Variants in FRMPD4 observed in about 807,000 individuals in gnomAD.
FRMPD4 encodes the protein FERM and PDZ domain-containing protein 4.
A neutral mutation model predicts 94.1 loss-of-function variants in FRMPD4; 22 were observed. The observed-to-expected ratio is 0.23, with a 90% confidence interval of 0.17 to 0.33. The LOEUF (loss-of-function observed/expected upper bound fraction) is 0.33. Among genes scored for constraint, FRMPD4 ranks in the 10% least tolerant of loss-of-function variants. The probability of loss-of-function intolerance (pLI) is 1.00; values close to 1 mark genes in which losing one functional copy is unlikely to be tolerated. For missense variants in FRMPD4, 1,111 were observed against 1,339.9 expected, an observed-to-expected ratio of 0.83 and a Z score of 2.67; for synonymous variants, 631 against 548.6, an observed-to-expected ratio of 1.15 and a Z score of -2.10.
chrX:12,604,786 G>A (rs2059115076), intron 2 of FRMPD4, among the ~76,000 whole-genome samples: 1 of 111,610 alleles, frequency 9.0e-6, no homozygotes, highest in Middle Eastern at 4.7e-3. Flanking sequence ...GTACCCATTA[G>A]TTGTTTTTCC....
chrX:12,086,664 G>T (rs2055113750), intron 3 of FRMPD4, among the ~76,000 whole-genome samples: 1 of 111,545 alleles, frequency 9.0e-6, no homozygotes, highest in African/African-American at 3.3e-5. Context: ...GCAAAGCTAG[G>T]CTGGTCCTGA....
chrX:11,882,009 G>A (rs977088357), intron 3 of FRMPD4, among the ~76,000 whole-genome samples: 1 of 111,718 alleles, frequency 9.0e-6, no homozygotes, highest in African/African-American at 3.3e-5. Context: ...ATGAAAGCCA[G>A]AGACCCAGGC....
intron 2 of FRMPD4, among the ~76,000 whole-genome samples, chrX:12,600,619 C>T (rs989841395): frequency 1.2e-4 from 13 of 112,178 alleles, no homozygotes; most frequent in African/African-American, 3.9e-4. Flanking sequence ...TCATTGTCAC[C>T]AGCAAACCAA....
At chrX:12,575,573 C>T (rs1470890365) in intron 2 of FRMPD4, among the ~76,000 whole-genome samples, 1 of 111,307 alleles carries the variant, frequency 9.0e-6, no homozygotes, top group Admixed American at 9.5e-5. Flanking sequence ...TGTCTATACC[C>T]TCATGCCCCA....
intron 1 of FRMPD4, among the ~76,000 whole-genome samples, chrX:11,862,762 T>C (rs911089396): frequency 9.0e-6 from 1 of 111,222 alleles, no homozygotes; most frequent in Non-Finnish European, 1.9e-5. Context: ...ATCCAAGTCA[T>C]ACTGAGTCTG....
In FRMPD4 at chrX:12,331,970, AT is replaced by A. The variant is rs1335742133; in HGVS notation, c.42-166709del. Among the ~76,000 whole-genome samples, 168 of 50,874 alleles carry A rather than the reference AT, an allele frequency of 3.3e-3. 4 individuals are homozygous for A. Among genetic ancestry groups the A allele is most frequent in the Non-Finnish European group, 4.6e-3 (146 of 31,488 alleles). The allele number at this position is 50,874 out of a possible 115,157, so 44.2% of individuals were successfully genotyped here. ...TATATTTATATACTATATATAAATTATATATATTTATATACTATATATAAAT... is the reference window on the plus strand; with the variant it reads ...TATATTTATATACTATATATAAATTAATATATTTATATACTATATATAAAT... On this transcript the variant is annotated intron_variant, in intron 1 of 16. Coordinates refer to ENST00000675598, the MANE Select transcript of FRMPD4 (RefSeq NM_001368397.1).
At chrX:12,610,678 G>A (rs938917025) in intron 3 of FRMPD4, among the ~76,000 whole-genome samples, 2 of 109,938 alleles carry the variant, frequency 1.8e-5, no homozygotes, top group African/African-American at 3.4e-5. Context: ...AACCCAGGAG[G>A]GAGAGGTTGC....
chrX:12,103,265 A>G (rs1017802827), intron 3 of FRMPD4, among the ~76,000 whole-genome samples: 8 of 112,184 alleles, frequency 7.1e-5, no homozygotes. Context: ...GGTGTACCAT[A>G]AACACTCCAT....
chrX:12,234,671 T>G (rs1329502270), intron 1 of FRMPD4, among the ~76,000 whole-genome samples: 1 of 112,355 alleles, frequency 8.9e-6, no homozygotes, highest in Non-Finnish European at 1.9e-5. Context: ...AAATTAAAAA[T>G]AAATTCACTT....
At chrX:12,346,219 G>A (rs745456410) in intron 1 of FRMPD4, among the ~76,000 whole-genome samples, 3 of 109,388 alleles carry the variant, frequency 2.7e-5, no homozygotes, top group South Asian at 7.9e-4. Context: ...GAATGAAATA[G>A]CATTATGATT....
intron 3 of FRMPD4, among the ~76,000 whole-genome samples, chrX:12,122,232 G>A (rs936804149): frequency 9.0e-6 from 1 of 111,324 alleles, no homozygotes; most frequent in Middle Eastern, 4.2e-3. Flanking sequence ...CCTTAGCAAT[G>A]TACTAGGAAG....
At chrX:11,861,028 T>G (rs1414751610) in intron 1 of FRMPD4, among the ~76,000 whole-genome samples, 2 of 112,355 alleles carry the variant, frequency 1.8e-5, no homozygotes, top group African/African-American at 6.5e-5. Flanking sequence ...AAAATTTAAA[T>G]AAAGAAGTTA....
chrX:12,680,168 A>G (rs1362351806), intron 5 of FRMPD4, among the ~76,000 whole-genome samples: 1 of 112,376 alleles, frequency 8.9e-6, no homozygotes, highest in Non-Finnish European at 1.9e-5. Flanking sequence ...AGCATTCCAC[A>G]CACTATTGTG....
chrX:12,429,295 A>T (rs760068148), intron 1 of FRMPD4, among the ~76,000 whole-genome samples: 2 of 111,753 alleles, frequency 1.8e-5, no homozygotes, highest in South Asian at 7.6e-4. Flanking sequence ...CTGATTGTGG[A>T]AGGATGGTTG....
chrX:12,416,058 A>T (rs1249743588), intron 1 of FRMPD4, among the ~76,000 whole-genome samples: 1 of 111,799 alleles, frequency 8.9e-6, no homozygotes, highest in East Asian at 2.8e-4. Context: ...GCTGTTAAGG[A>T]AATGCTAACA....
At chrX:11,964,021 C>T (rs1230613773) in intron 3 of FRMPD4, among the ~76,000 whole-genome samples, 1 of 111,700 alleles carries the variant, frequency 9.0e-6, no homozygotes, top group Non-Finnish European at 1.9e-5. Context: ...GGTTTCCTAG[C>T]ACATGTTTCT....
intron 1 of FRMPD4, among the ~76,000 whole-genome samples, chrX:12,387,990 A>AAG (rs1235632746): frequency 1.2e-3 from 135 of 109,940 alleles, no homozygotes; most frequent in African/African-American, 4.3e-3. Flanking sequence ...AAAAAAAAAA[A>AAG]AAGTAGTATA....
At chrX:12,208,975 A>G (rs2056726352) in intron 1 of FRMPD4, among the ~76,000 whole-genome samples, 1 of 111,297 alleles carries the variant, frequency 9.0e-6, no homozygotes, top group East Asian at 2.8e-4. Context: ...GAAGTAAGCT[A>G]GCTTTCAATA....
chrX:12,051,783 C>T (rs2054820284), intron 3 of FRMPD4, among the ~76,000 whole-genome samples: 1 of 111,002 alleles, frequency 9.0e-6, no homozygotes, highest in Non-Finnish European at 1.9e-5. Flanking sequence ...CAATAAATGC[C>T]CAATATTGTG....
Sources: allele counts gnomAD v4.1 joint callset (sites outside exome capture counted in the v4.1 genomes callset), GRCh38; gene constraint gnomAD v4.1.1; transcripts MANE v1.5; gene names NCBI Gene and HGNC (gene_info 2026-07-23, HGNC 2026-07-21).